ZDHHC21: variants seen among roughly 807,000 people sequenced by gnomAD.
ZDHHC21 encodes the protein zDHHC palmitoyltransferase 21, also known as palmitoyltransferase ZDHHC21.
A neutral mutation model predicts 34.6 loss-of-function variants in ZDHHC21; 15 were observed. That is an observed-to-expected ratio of 0.43 (90% CI 0.29 to 0.67). The LOEUF (loss-of-function observed/expected upper bound fraction) is 0.67. Ranked by LOEUF, ZDHHC21 falls within the 30% of genes least tolerant of loss-of-function variation. The pLI is 0.14. For synonymous variants in ZDHHC21, 142 were observed against 101.8 expected (o/e 1.40, Z -2.38); for missense variants, 344 against 327.7 (o/e 1.05, Z -0.38).
chr9:14,675,925 A>C (rs1836291928), intron 3 of ZDHHC21, among the ~76,000 whole-genome samples: 1 of 151,904 alleles, frequency 6.6e-6, no homozygotes, highest in Non-Finnish European at 1.5e-5. Context: ...CAAGAGTAGA[A>C]ATTGTGGGAG....
chr9:14,604,366 A>G, the ZDHHC21 span, among the ~76,000 whole-genome samples: 2 of 152,218 alleles, frequency 1.3e-5, no homozygotes, highest in East Asian at 3.8e-4. Context: ...CTACATTAAT[A>G]AAGATGTTTT....
intron 7 of ZDHHC21, among the ~76,000 whole-genome samples, chr9:14,655,710 T>A (rs577106418): frequency 6.6e-6 from 1 of 151,826 alleles, no homozygotes; most frequent in African/African-American, 2.4e-5. Flanking sequence ...AATAGAAAAT[T>A]GGAATTTTTT....
chr9:14,663,929 T>A (rs1833873288), intron 5 of ZDHHC21, among the ~76,000 whole-genome samples: 1 of 152,296 alleles, frequency 6.6e-6, no homozygotes, highest in Non-Finnish European at 1.5e-5. Context: ...GTCACAAGCA[T>A]ATCATATTCC....
chr9:14,592,871 G>C, the ZDHHC21 span, among the ~76,000 whole-genome samples: 4 of 152,106 alleles, frequency 2.6e-5, no homozygotes, highest in Admixed American at 1.3e-4. Flanking sequence ...ACAAATTTGA[G>C]ACATCTCCAC....
chr9:14,600,576 C>T, the ZDHHC21 span, among the ~76,000 whole-genome samples: 1 of 152,116 alleles, frequency 6.6e-6, no homozygotes, highest in Admixed American at 6.5e-5. Flanking sequence ...GGCCATATTG[C>T]CCAAAGTAAT....
At position 14,616,374 on chromosome 9, in the gene ZDHHC21, G is replaced by A. The variant is rs563767924; in HGVS notation, c.*2592C>T. ...GAATATAATGGGAACGTACATAAAT[G>A]AAGCAAAGCAGTCATCACATTCTTA... On this transcript the variant is annotated 3_prime_UTR_variant, in exon 10 of 10. Coordinates refer to ENST00000380916, the MANE Select transcript of ZDHHC21 (RefSeq NM_178566.6). 1 of 151,920 alleles carries A rather than the reference G, an allele frequency of 6.6e-6. No homozygotes were observed. The highest frequency in any genetic ancestry group is 1.9e-4 in the East Asian group (1 of 5,176). 9.4% of individuals were successfully genotyped at this position (151,920 alleles called of 1,614,324 possible). A position where few individuals can be genotyped will look rare whatever the true frequency, so the allele number is the denominator to read the frequency against.
intron 2 of ZDHHC21, among the ~76,000 whole-genome samples, chr9:14,683,110 AT>A (rs1290289466): frequency 6.6e-6 from 1 of 152,148 alleles, no homozygotes; most frequent in Non-Finnish European, 1.5e-5. Flanking sequence ...ACACCCTAAC[AT>A]CACAATTAAA....
At chr9:14,650,260 C>CA (rs570301050) in intron 7 of ZDHHC21, among the ~76,000 whole-genome samples, 6 of 150,294 alleles carry the variant, frequency 4.0e-5, no homozygotes, top group Admixed American at 6.6e-5. Flanking sequence ...TCTTTTCAAG[C>CA]AAAAAAAATA....
In ZDHHC21 at chr9:14,690,413, T is replaced by A. The variant is rs192502336; in HGVS notation, c.-224-28A>T. 2.7e-3 allele frequency: 1,198 copies of A among 451,782 alleles called. 17 individuals carry two copies. Among genetic ancestry groups the A allele is most frequent in the African/African-American group, 0.022 (1,073 of 49,728 alleles). 28.0% of individuals were successfully genotyped at this position (451,782 alleles called of 1,614,324 possible). A position where few individuals can be genotyped will look rare whatever the true frequency, so the allele number is the denominator to read the frequency against. ...GTAATTACAGATAAAAAGCTTAAAA[T>A]CAGAAGCTTGGTTGACATCACACTT... On this transcript the variant is annotated intron_variant, in intron 1 of 9. Coordinates refer to ENST00000380916, the MANE Select transcript of ZDHHC21 (RefSeq NM_178566.6).
chr9:14,598,440 C>G, the ZDHHC21 span, among the ~76,000 whole-genome samples: 1 of 152,130 alleles, frequency 6.6e-6, no homozygotes, highest in Non-Finnish European at 1.5e-5. Flanking sequence ...ATAGATACAT[C>G]TATAGGAAAA....
At position 14,656,863 on chromosome 9, in the gene ZDHHC21, G is replaced by C. The variant is rs556278697; in HGVS notation, c.504+1886C>G. Among the ~76,000 whole-genome samples, 4 of 151,896 alleles carry C rather than the reference G, an allele frequency of 2.6e-5. No homozygotes were observed. In the East Asian group the frequency reaches 7.7e-4, roughly 29 times the overall value. ...AATTGATGGCTCTAAGGAAAATCTG[G>C]TTTGACTTTTTAAAACCCACTTTTT... On this transcript the variant is annotated intron_variant, in intron 7 of 9. Transcript: ENST00000380916.
intron 2 of ZDHHC21, among the ~76,000 whole-genome samples, chr9:14,686,558 T>G (rs1838354222): frequency 6.6e-6 from 1 of 152,220 alleles, no homozygotes; most frequent in African/African-American, 2.4e-5. Context: ...AGGGTCAACT[T>G]TTCTATGGTC....
At chr9:14,623,730 G>A (rs1825724629) in intron 8 of ZDHHC21, among the ~76,000 whole-genome samples, 1 of 151,080 alleles carries the variant, frequency 6.6e-6, no homozygotes, top group African/African-American at 2.4e-5. Flanking sequence ...ACAGGTATAT[G>A]AAGAAATGTT....
rs563815433 is a variant in ZDHHC21, at chr9:14,688,261, G to A, written c.-176+2076C>T. ...TGTCAACTTACACAGTTGCTGTCAC[G>A]CTTAAATGAGAAATTGACTGGCAAA... On this transcript the variant is annotated intron_variant, in intron 2 of 9. Transcript: ENST00000380916. 2.7e-4 allele frequency among the ~76,000 whole-genome samples: 41 copies of A among 150,914 alleles called. 2 individuals carry two copies. The highest frequency in any genetic ancestry group is 7.7e-4 in the African/African-American group (31 of 40,248).
Position 14,632,550 on chromosome 9 carries a change from T to TC in ZDHHC21, c.621+7345_621+7346insG, listed in dbSNP as rs1564232638. ...GACCTTGGATTAGGCAATGGTATCT[T>TC]AGATATGACACAAAAAGCATATACT... is the stretch of plus-strand genomic sequence containing the variant. On this transcript the variant is annotated intron_variant, in intron 8 of 9. Transcript: ENST00000380916. Among the ~76,000 whole-genome samples, 120 of 60,200 alleles carry TC rather than the reference T, an allele frequency of 2.0e-3. 5 individuals carry two copies. The highest frequency in any genetic ancestry group is 4.2e-3 in the East Asian group (12 of 2,878). 39.5% of individuals were successfully genotyped at this position (60,200 alleles called of 152,430 possible). A position where few individuals can be genotyped will look rare whatever the true frequency, so the allele number is the denominator to read the frequency against.
intron 7 of ZDHHC21, among the ~76,000 whole-genome samples, chr9:14,647,010 T>C (rs1180804899): frequency 6.6e-6 from 1 of 152,094 alleles, no homozygotes; most frequent in Non-Finnish European, 1.5e-5. Context: ...GACAAAGAAC[T>C]GTCTCTTCCC....
intron 8 of ZDHHC21, among the ~76,000 whole-genome samples, chr9:14,621,561 A>AT (rs1412614273): frequency 1.3e-5 from 2 of 152,126 alleles, no homozygotes; most frequent in African/African-American, 4.8e-5. Context: ...CCATTACTTT[A>AT]TGAGTAGGAT....
At chr9:14,659,070 T>C (rs565076114) in intron 6 of ZDHHC21, among the ~76,000 whole-genome samples, 183 bp from the exon 7 acceptor site, 1 of 152,338 alleles carries the variant, frequency 6.6e-6, no homozygotes, top group East Asian at 1.9e-4. Context: ...ATCTTATATT[T>C]GTAAAGCACT....
downstream of ZDHHC21, among the ~76,000 whole-genome samples, chr9:14,610,404 T>A (rs375611689): frequency 2.0e-5 from 3 of 152,028 alleles, no homozygotes; most frequent in Admixed American, 6.6e-5. Context: ...CTGCTTTGAC[T>A]TACCAATAAA....
Sources: allele counts gnomAD v4.1 joint callset (sites outside exome capture counted in the v4.1 genomes callset), GRCh38; gene constraint gnomAD v4.1.1; transcripts MANE v1.5; gene names NCBI Gene and HGNC (gene_info 2026-07-23, HGNC 2026-07-21).